The following CSMD1 variants were observed in gnomAD, a reference collection of about 807,000 sequenced individuals.
The protein encoded by CSMD1 is CUB and Sushi multiple domains 1.
CSMD1 carries 213 observed loss-of-function variants against 417.5 expected under a neutral mutation model. The ratio of observed to expected loss-of-function variants is 0.51; its 90% CI spans 0.46 to 0.57. The LOEUF is 0.57. CSMD1 is among the 20% of genes least tolerant of loss of function. CSMD1 has a pLI of 0.00. For synonymous variants in CSMD1, 2,862 were observed against 1,736.8 expected (o/e 1.65, Z -16.11); for missense variants, 6,923 against 4,529.7 (o/e 1.53, Z -15.17).
chr8:4,314,795 A>G (rs912218232), intron 3 of CSMD1, among the ~76,000 whole-genome samples: 9 of 152,332 alleles, frequency 5.9e-5, no homozygotes, highest in South Asian at 2.1e-4. Flanking sequence ...TTCAGCATTT[A>G]TGAATAAAGA....
At chr8:3,966,312 G>C (rs574433105) in intron 5 of CSMD1, among the ~76,000 whole-genome samples, 48 of 152,202 alleles carry the variant, frequency 3.2e-4, no homozygotes, top group African/African-American at 8.9e-4. Flanking sequence ...ATGGAGAAGA[G>C]GGAAAGAAAT....
chr8:3,459,131 C>CAGTGTACAG (rs1816335726), intron 12 of CSMD1, among the ~76,000 whole-genome samples: 1 of 152,224 alleles, frequency 6.6e-6, no homozygotes, highest in Admixed American at 6.5e-5. Context: ...CACTGTGCTA[C>CAGTGTACAG]AGCACCCTGT....
intron 5 of CSMD1, among the ~76,000 whole-genome samples, chr8:3,796,748 G>T (rs1297397190): frequency 6.6e-6 from 1 of 150,994 alleles, no homozygotes; most frequent in East Asian, 1.9e-4. Context: ...ATAGGTGGTT[G>T]CAATTATACA....
chr8:3,084,690 A>C (rs1814395117), intron 49 of CSMD1, among the ~76,000 whole-genome samples: 4 of 152,108 alleles, frequency 2.6e-5, no homozygotes, highest in Admixed American at 2.0e-4. Context: ...AAGCATAAGC[A>C]AAAACTGTTG....
intron 1 of CSMD1, among the ~76,000 whole-genome samples, chr8:4,645,315 C>G (rs1803450624): frequency 6.6e-6 from 1 of 151,862 alleles, no homozygotes; most frequent in Non-Finnish European, 1.5e-5. Flanking sequence ...GGGGAGGCAG[C>G]TTTAGTTAAC....
At chr8:4,646,686 G>A (rs1191720128) in intron 1 of CSMD1, among the ~76,000 whole-genome samples, 4 of 152,088 alleles carry the variant, frequency 2.6e-5, no homozygotes, top group African/African-American at 9.7e-5. Context: ...GTAATACCAT[G>A]CTCTATTTTA....
intron 1 of CSMD1, among the ~76,000 whole-genome samples, chr8:4,654,673 G>A (rs945883650): frequency 1.3e-5 from 2 of 152,006 alleles, no homozygotes; most frequent in Non-Finnish European, 1.5e-5. Context: ...GGATTTGTTG[G>A]GTGCTTTCCA....
At chr8:4,145,419 G>A (rs888084832) in intron 3 of CSMD1, among the ~76,000 whole-genome samples, 10 of 151,004 alleles carry the variant, frequency 6.6e-5, no homozygotes, top group Non-Finnish European at 1.5e-4. Flanking sequence ...ACTTAATCTG[G>A]GAAAAGTGAC....
chr8:4,127,770 T>G (rs4551382), intron 3 of CSMD1, among the ~76,000 whole-genome samples: 10 of 152,360 alleles, frequency 6.6e-5, no homozygotes, highest in Non-Finnish European at 1.3e-4. Context: ...ACATATATTG[T>G]CTCATTTAAT....
chr8:4,157,617 C>T (rs1475201886), intron 3 of CSMD1, among the ~76,000 whole-genome samples: 7 of 152,190 alleles, frequency 4.6e-5, no homozygotes, highest in Non-Finnish European at 1.5e-5. Flanking sequence ...ATCTTTCACG[C>T]AGAGTTGATT....
chr8:4,288,265 C>T (rs1268847222), intron 3 of CSMD1, among the ~76,000 whole-genome samples: 1 of 152,130 alleles, frequency 6.6e-6, no homozygotes, highest in African/African-American at 2.4e-5. Flanking sequence ...TGACATGCCC[C>T]CACTGGGAAC....
intron 2 of CSMD1, among the ~76,000 whole-genome samples, chr8:4,524,073 G>A (rs982560595): frequency 2.6e-5 from 4 of 151,890 alleles, no homozygotes; most frequent in East Asian, 1.9e-4. Flanking sequence ...TAGAATGAAC[G>A]AACAACTAGA....
At chr8:3,865,822 C>A (rs1805057644) in intron 5 of CSMD1, among the ~76,000 whole-genome samples, 1 of 151,926 alleles carries the variant, frequency 6.6e-6, no homozygotes, top group Non-Finnish European at 1.5e-5. Context: ...CTGTAAATAC[C>A]CTTCTCACAT....
chr8:4,736,964 A>C (rs2116984085), intron 1 of CSMD1, among the ~76,000 whole-genome samples: 1 of 152,296 alleles, frequency 6.6e-6, no homozygotes, highest in South Asian at 2.1e-4. Context: ...TCCATTATTT[A>C]TTCTCTCATG....
At chr8:3,979,480 A>G (rs1264528238) in intron 5 of CSMD1, among the ~76,000 whole-genome samples, 2 of 152,192 alleles carry the variant, frequency 1.3e-5, no homozygotes, top group African/African-American at 4.8e-5. Context: ...TCTTTGGCTT[A>G]GAATGTTGTG....
chr8:3,666,057 G>A (rs1369785881), intron 7 of CSMD1, among the ~76,000 whole-genome samples: 1 of 152,078 alleles, frequency 6.6e-6, no homozygotes, highest in Non-Finnish European at 1.5e-5. Flanking sequence ...CACCACACCT[G>A]GCTAATTTTT....
Position 3,399,319 on chromosome 8 carries a change from A to C in CSMD1, c.2405+72T>G. The C allele has an allele frequency of 3.6e-6, 5 of 1,382,280 alleles. No homozygotes were observed. The South Asian group carries it at 6.1e-5, about 17-fold the overall frequency. The allele number at this position is 1,382,280 out of a possible 1,614,324, so 85.6% of individuals were successfully genotyped here. A position where few individuals can be genotyped will look rare whatever the true frequency, so the allele number is the denominator to read the frequency against. On this transcript the variant is annotated intron_variant, in intron 16 of 69. Transcript: ENST00000635120. ...AAAAACTGCCATCTTTTTAAAGTTT[A>C]AGATCCATTTACTAAAACTATGGAA...
chr8:4,430,418 C>G (rs964047993), intron 2 of CSMD1, among the ~76,000 whole-genome samples: 1 of 152,202 alleles, frequency 6.6e-6, no homozygotes. Flanking sequence ...ATGACATAGT[C>G]TACCTTCTCC....
chr8:4,113,830 T>G (rs1297223305), intron 3 of CSMD1, among the ~76,000 whole-genome samples: 2 of 152,224 alleles, frequency 1.3e-5, no homozygotes, highest in African/African-American at 2.4e-5. Flanking sequence ...AACCAAGGCC[T>G]ACTTCAGAGC....
Sources: allele counts gnomAD v4.1 joint callset (sites outside exome capture counted in the v4.1 genomes callset), GRCh38; gene constraint gnomAD v4.1.1; transcripts MANE v1.5; gene names NCBI Gene and HGNC (gene_info 2026-07-23, HGNC 2026-07-21).